The following DAZL variants were observed in gnomAD, a reference collection of about 807,000 sequenced individuals.
DAZL encodes deleted in azoospermia-like.
In DAZL, 4 loss-of-function variants were observed where a neutral mutation model predicts 45.0. That is an observed-to-expected ratio of 0.09 (90% CI 0.04 to 0.20). The LOEUF (loss-of-function observed/expected upper bound fraction) is 0.20. DAZL is among the 10% of genes least tolerant of loss of function. DAZL has a pLI of 1.00. For synonymous variants in DAZL, 122 were observed against 112.4 expected (o/e 1.09, Z -0.54); for missense variants, 326 against 351.3 (o/e 0.93, Z 0.58).
chr3:16,593,017 T>C (rs1297555537), intron 9 of DAZL, among the ~76,000 whole-genome samples: 2 of 152,134 alleles, frequency 1.3e-5, no homozygotes, highest in African/African-American at 2.4e-5. Context: ...TTCACCACTG[T>C]TGGGAACTAC....
intron 1 of DAZL, among the ~76,000 whole-genome samples, chr3:16,601,628 CTTAATT>C (rs1423890002): frequency 6.6e-6 from 1 of 152,092 alleles, no homozygotes; most frequent in Non-Finnish European, 1.5e-5. Context: ...TAAGCAAAAG[CTTAATT>C]TTAAAGAAAG....
At chr3:16,591,618 G>A (rs1694519664) in intron 10 of DAZL, among the ~76,000 whole-genome samples, 1 of 151,978 alleles carries the variant, frequency 6.6e-6, no homozygotes, top group South Asian at 2.1e-4. Context: ...ATTTTTTGTA[G>A]AGATGGGGTT....
chr3:16,604,976 C>T (rs971677456), intron 1 of DAZL, among the ~76,000 whole-genome samples: 1 of 152,234 alleles, frequency 6.6e-6, no homozygotes, highest in Non-Finnish European at 1.5e-5. Context: ...CGGGGCCCAC[C>T]CCCACCTTGC....
intron 3 of DAZL, 75 bp downstream of exon 3, chr3:16,598,012 G>C: frequency 7.5e-7 from 1 of 1,337,410 alleles, no homozygotes; most frequent in Non-Finnish European, 1.1e-6. Flanking sequence ...TTAAGTGTCA[G>C]AATACCAATT....
At chr3:16,600,658 CAAAAT>C (rs763244045) in intron 1 of DAZL, among the ~76,000 whole-genome samples, 3 of 152,162 alleles carry the variant, frequency 2.0e-5, no homozygotes, top group Non-Finnish European at 4.4e-5. Flanking sequence ...TAAAACAAAA[CAAAAT>C]AAATTCTGAA....
At chr3:16,591,209 T>C (rs1332628812) in intron 10 of DAZL, among the ~76,000 whole-genome samples, 2 of 152,106 alleles carry the variant, frequency 1.3e-5, no homozygotes, top group South Asian at 2.1e-4. Flanking sequence ...CTTAATAAGA[T>C]TTATCTATCC....
intron 1 of DAZL, chr3:16,604,853 C>A (rs1322722926): frequency 5.7e-6 from 3 of 523,122 alleles, no homozygotes; most frequent in Non-Finnish European, 1.0e-5. Flanking sequence ...GTGGGGCAGT[C>A]GGGGGTGGGG....
chr3:16,598,852 C>T (rs1694640864), intron 1 of DAZL, among the ~76,000 whole-genome samples: 1 of 150,232 alleles, frequency 6.7e-6, no homozygotes, highest in Non-Finnish European at 1.5e-5. Context: ...GGCGTGATCT[C>T]GGCTCACTGC....
chr3:16,588,776 G>A lies in DAZL; in HGVS notation c.835-63C>T, dbSNP rs941692331. On this transcript the variant is annotated intron_variant, in intron 10 of 10. Coordinates refer to ENST00000399444, the MANE Select transcript of DAZL (RefSeq NM_001351.4). ...AATTTCTGATTACTACTATAGATCT[G>A]AAAGTTGTCAAAAACTTAAACCATT... is the stretch of plus-strand genomic sequence containing the variant. 3 of 1,321,710 alleles carry A rather than the reference G, an allele frequency of 2.3e-6. No individual in the cohort carries two copies. The African/African-American group carries it at 4.3e-5, about 19-fold the overall frequency. The allele number at this position is 1,321,710 out of a possible 1,614,324, so 81.9% of individuals were successfully genotyped here. A position where few individuals can be genotyped will look rare whatever the true frequency, so the allele number is the denominator to read the frequency against.
rs1694469297 is a variant in DAZL, at chr3:16,588,334, G to T, written c.*326C>A. Reference sequence around the variant, plus strand: ...AACAAAATTCTGACCTTTCAAAATAGGTTTTTAAAAACATTTTTTTGAAAA... The same window carrying T: ...AACAAAATTCTGACCTTTCAAAATATGTTTTTAAAAACATTTTTTTGAAAA... On this transcript the variant is annotated 3_prime_UTR_variant, in exon 11 of 11. Coordinates refer to ENST00000399444, the MANE Select transcript of DAZL (RefSeq NM_001351.4). 6.3e-6 allele frequency: 2 copies of T among 317,676 alleles called. No individual in the cohort carries two copies. The highest frequency in any genetic ancestry group is 4.3e-5 in the African/African-American group (2 of 46,400). 19.7% of individuals were successfully genotyped at this position (317,676 alleles called of 1,614,324 possible).
Position 16,605,317 on chromosome 3 carries a change from A to G in DAZL, c.-112T>C. On this transcript the variant is annotated 5_prime_UTR_variant, in exon 1 of 11. Transcript: ENST00000399444. ...CGCTGGAACCCGCTGCGCGGCTTCG[A>G]GTGGTCAAAGGAGCCAAAGATGAAG... The G allele has an allele frequency of 7.5e-7, 1 of 1,337,090 alleles. No homozygotes were observed. Among genetic ancestry groups the G allele is most frequent in the Non-Finnish European group, 1.1e-6 (1 of 927,960 alleles). The allele number at this position is 1,337,090 out of a possible 1,614,324, so 82.8% of individuals were successfully genotyped here.
At chr3:16,590,435 T>A (rs1694500590) in intron 10 of DAZL, among the ~76,000 whole-genome samples, 1 of 152,200 alleles carries the variant, frequency 6.6e-6, no homozygotes, top group South Asian at 2.1e-4. Flanking sequence ...AAGTGATGGT[T>A]AAACATTTCC....
chr3:16,602,206 G>A (rs140002775), intron 1 of DAZL, among the ~76,000 whole-genome samples: 1,730 of 152,164 alleles, frequency 0.011, 19 homozygotes, highest in Non-Finnish European at 0.014. Flanking sequence ...GGATATATGA[G>A]ACCTGAGAAA....
Position 16,605,237 on chromosome 3 carries a change from C to T in DAZL, c.-32G>A. 1.9e-6 allele frequency: 3 copies of T among 1,614,082 alleles called. No individual in the cohort carries two copies. Among genetic ancestry groups the T allele is most frequent in the Non-Finnish European group, 2.5e-6 (3 of 1,179,936 alleles). On this transcript the variant is annotated 5_prime_UTR_variant, in exon 1 of 11. Transcript: ENST00000399444. Reference sequence around the variant, plus strand: ...GGCAGGCAGCAGTTCCCGACCGGCTCCAGGAGGAGCAGAGGCTGTGCTTGG... The same window carrying T: ...GGCAGGCAGCAGTTCCCGACCGGCTTCAGGAGGAGCAGAGGCTGTGCTTGG...
intron 9 of DAZL, 51 bp from the exon 10 acceptor site, chr3:16,592,199 T>C (rs1694530943): frequency 1.3e-6 from 2 of 1,597,166 alleles, no homozygotes; most frequent in East Asian, 4.5e-5. Flanking sequence ...TCACTCACTC[T>C]TAGTAAGGGT....
rs531728569 is a variant in DAZL, at chr3:16,596,998, T to C, written c.348A>G (p.Lys116=). The change falls in exon 5 of 11, where the codon AAA becomes AAG. Residue 116 remains lysine, a synonymous_variant. Coordinates refer to ENST00000399444, the MANE Select transcript of DAZL (RefSeq NM_001351.4). ...TCTTTTTGTACTCACATAAATTTTGTTTCCTGATTGCAGGGCCCAGCTTCA... is the reference window on the plus strand; with the variant it reads ...TCTTTTTGTACTCACATAAATTTTGCTTCCTGATTGCAGGGCCCAGCTTCA... ...KKLKLGPAIR[K]QNLCAYHVQP... 84 of 1,612,494 alleles carry C rather than the reference T, an allele frequency of 5.2e-5. No individual in the cohort carries two copies. Among genetic ancestry groups the C allele is most frequent in the Non-Finnish European group, 7.0e-5 (83 of 1,179,610 alleles).
intron 1 of DAZL, 30 bp downstream of exon 1, chr3:16,605,173 C>T: frequency 6.2e-7 from 1 of 1,614,146 alleles, no homozygotes; most frequent in Non-Finnish European, 8.5e-7. Context: ...CTCCGCCAGC[C>T]TTGCCCCTCG....
chr3:16,596,453 G>A (rs1281258566), intron 6 of DAZL, among the ~76,000 whole-genome samples: 2 of 151,850 alleles, frequency 1.3e-5, no homozygotes, highest in South Asian at 2.1e-4. Flanking sequence ...GACACATAAC[G>A]ATAGCTGCTT....
intron 1 of DAZL, 41 bp from the exon 2 acceptor site, chr3:16,598,639 A>T: frequency 6.4e-7 from 1 of 1,569,098 alleles, no homozygotes; most frequent in Non-Finnish European, 8.6e-7. Context: ...GATACACAGG[A>T]AAAACCTATA....
Sources: gnomAD v4.1 joint callset for allele counts (sites outside exome capture counted in the v4.1 genomes callset) on GRCh38, gnomAD v4.1.1 for gene constraint, MANE v1.5 for transcripts, NCBI Gene and HGNC (gene_info 2026-07-23, HGNC 2026-07-21) for gene names.